SYNE1: variants seen among roughly 807,000 people sequenced by gnomAD.
SYNE1 encodes the protein nesprin-1.
Under a neutral mutation model 1,111.0 loss-of-function variants are expected in SYNE1, and 616 were observed. The observed-to-expected ratio is 0.55, with a 90% CI of 0.52 to 0.59. SYNE1 has a LOEUF of 0.59. SYNE1 is among the 20% of genes least tolerant of loss of function. The pLI, the probability that SYNE1 is intolerant of heterozygous loss-of-function variation, is 0.00. For synonymous variants in SYNE1, 3,855 were observed against 3,825.8 expected (o/e 1.01, Z -0.28); for missense variants, 10,006 against 10,417.0 (o/e 0.96, Z 1.72).
At chr6:152,310,081 G>A (rs2095501063) in intron 89 of SYNE1, 64 bp from the exon 90 acceptor site, 1 of 1,526,586 alleles carries the variant, frequency 6.6e-7, no homozygotes. Context: ...TAAGCAAAAG[G>A]CACTAAATTA....
rs768117691 is a variant in SYNE1, at chr6:152,502,523, G to T, written c.888+110C>A. 8.4e-5 allele frequency: 69 copies of T among 820,054 alleles called. 2 individuals carry two copies. The Middle Eastern group carries it at 1.5e-3, about 18-fold the overall frequency. 50.8% of individuals were successfully genotyped at this position (820,054 alleles called of 1,614,324 possible). On this transcript the variant is annotated intron_variant, in intron 10 of 145. Transcript: ENST00000367255. ...GGTGATAGCTTTTTAAAATCAGTTG[G>T]TCTCATATTAAAATGCATTCAAATT...
chr6:152,502,573 A>C, intron 10 of SYNE1, 60 bp downstream of exon 10: 9 of 1,332,134 alleles, frequency 6.8e-6, no homozygotes, highest in Non-Finnish European at 8.6e-6. Flanking sequence ...CAGTATACTC[A>C]AAAAGCTGAG....
In SYNE1 at chr6:152,363,034, C is replaced by CCT. The variant is rs1353622018; in HGVS notation, c.10146-712_10146-711insAG. On this transcript the variant is annotated intron_variant, in intron 63 of 145. Coordinates refer to ENST00000367255, the MANE Select transcript of SYNE1 (RefSeq NM_182961.4). Reference sequence around the variant, plus strand: ...TAGCTGGGACTACATGCCCCCGCCACCATGCCCGGCTAATTTTTTTGTACT... The same window carrying CCT: ...TAGCTGGGACTACATGCCCCCGCCACCTCATGCCCGGCTAATTTTTTTGTACT... 5.3e-5 allele frequency among the ~76,000 whole-genome samples: 8 copies of CCT among 151,332 alleles called. 1 individual carries two copies. The highest frequency in any genetic ancestry group is 1.5e-4 in the African/African-American group (6 of 41,258).
chr6:152,589,930 CT>C (rs35508645), intron 3 of SYNE1, among the ~76,000 whole-genome samples: 79,462 of 133,996 alleles, frequency 0.59, 23,457 homozygotes, highest in African/African-American at 0.65. Flanking sequence ...CTAAACATTT[CT>C]TTTTTTTTTT....
chr6:152,596,008 G>A (rs1031431912), intron 3 of SYNE1, among the ~76,000 whole-genome samples: 18 of 149,848 alleles, frequency 1.2e-4, no homozygotes, highest in Middle Eastern at 3.4e-3. Flanking sequence ...GGAGAACTGA[G>A]GGCTCGAACC....
intron 105 of SYNE1, among the ~76,000 whole-genome samples, chr6:152,244,905 G>A (rs950420713): frequency 5.9e-5 from 9 of 152,144 alleles, no homozygotes; most frequent in Non-Finnish European, 1.3e-4. Context: ...TCAGGGTAGA[G>A]GGCTGGGAGA....
intron 69 of SYNE1, 62 bp downstream of exon 69, chr6:152,353,201 G>A (rs2096772737): frequency 6.3e-7 from 1 of 1,588,872 alleles, no homozygotes; most frequent in Non-Finnish European, 8.6e-7. Context: ...TATCTATGCA[G>A]GAGAATGGGG....
In SYNE1 at chr6:152,411,731, C is replaced by CACAACA. The variant is rs60807760; in HGVS notation, c.6230+1620_6230+1621insTGTTGT. 8.7e-5 allele frequency among the ~76,000 whole-genome samples: 13 copies of CACAACA among 149,586 alleles called. 2 individuals are homozygous for CACAACA. Among genetic ancestry groups the CACAACA allele is most frequent in the African/African-American group, 3.2e-4 (13 of 40,108 alleles). ...AAGTCACACACACACACACACACCC[C>CACAACA]CACACACACACACACAGAGATGGCT... On this transcript the variant is annotated intron_variant, in intron 42 of 145. Transcript: ENST00000367255.
chr6:152,586,349 G>A (rs2099538864), intron 3 of SYNE1, among the ~76,000 whole-genome samples: 1 of 152,004 alleles, frequency 6.6e-6, no homozygotes, highest in Non-Finnish European at 1.5e-5. Context: ...TTTAGTCCAA[G>A]TCCTCTTCTA....
intron 11 of SYNE1, among the ~76,000 whole-genome samples, chr6:152,496,349 T>C (rs1373407889): frequency 4.6e-5 from 7 of 152,196 alleles, no homozygotes; most frequent in Non-Finnish European, 8.8e-5. Context: ...AACTCAAGGA[T>C]AGAGTCCAAA....
intron 105 of SYNE1, 54 bp downstream of exon 105, chr6:152,249,107 A>G (rs2153591037): frequency 1.7e-6 from 2 of 1,150,518 alleles, no homozygotes; most frequent in Non-Finnish European, 2.6e-6. Flanking sequence ...ATTTCATAGT[A>G]AGTCATATCT....
intron 121 of SYNE1, among the ~76,000 whole-genome samples, chr6:152,217,238 C>CA (rs35418741): frequency 0.052 from 7,726 of 147,238 alleles, 224 homozygotes; most frequent in East Asian, 0.11. Context: ...ACTAAAAATA[C>CA]AAAAAAAATT....
chr6:152,337,781 T>A (rs1051601862), intron 75 of SYNE1, among the ~76,000 whole-genome samples: 3 of 152,224 alleles, frequency 2.0e-5, no homozygotes, highest in Admixed American at 2.0e-4. Flanking sequence ...ATGTTTTGGA[T>A]ATGTCTTTGA....
chr6:152,469,371 A>C (rs964603100), intron 16 of SYNE1, among the ~76,000 whole-genome samples: 3 of 152,032 alleles, frequency 2.0e-5, no homozygotes, highest in African/African-American at 7.2e-5. Flanking sequence ...GGAAAGACTA[A>C]GCCTTCTAGA....
rs2084022554 is a variant in SYNE1 at position 152,236,311 on chromosome 6, A to G, written c.20200-8T>C. The G allele has an allele frequency of 6.3e-7, 1 of 1,597,446 alleles. No homozygotes were observed. The highest frequency in any genetic ancestry group is 1.7e-5 in the Admixed American group (1 of 59,834). ...AAGGCTAGATTTTAAATGCTAAAAT[A>G]TTGAAATTATTGAGTTAAAAGTTTG... On this transcript the variant is annotated splice_polypyrimidine_tract_variant and splice_region_variant and intron_variant, in intron 109 of 145. Coordinates refer to ENST00000367255, the MANE Select transcript of SYNE1 (RefSeq NM_182961.4).
At position 152,427,737 on chromosome 6, in the gene SYNE1, A is replaced by C; in HGVS notation, c.5056T>G (p.Ser1686Ala). 6.2e-7 allele frequency: 1 copy of C among 1,614,164 alleles called. No homozygotes were observed. The highest frequency in any genetic ancestry group is 8.5e-7 in the Non-Finnish European group (1 of 1,180,036). ...AKASSPEMDI[S>A]ADRVKVEGEL... ...CCTTCCACTTTGACTCTGTCTGCAG[A>C]AATGTCCATTTCTGGGGAACTGGCT... The change falls in exon 38 of 146, where the codon TCT (serine) becomes GCT (alanine). Residue 1686 changes from serine to alanine, a missense_variant. Physicochemically the swap from Ser to Ala is moderately conservative, Grantham distance 99. Transcript: ENST00000367255.
At chr6:152,176,920 T>C (rs1049449489) in intron 129 of SYNE1, among the ~76,000 whole-genome samples, 1 of 152,122 alleles carries the variant, frequency 6.6e-6, no homozygotes, top group African/African-American at 2.4e-5. Context: ...CCTGATGTTA[T>C]ACTTAGAATA....
At chr6:152,314,350 T>C (rs2095643627) in intron 87 of SYNE1, among the ~76,000 whole-genome samples, 1 of 152,224 alleles carries the variant, frequency 6.6e-6, no homozygotes, top group Non-Finnish European at 1.5e-5. Flanking sequence ...CTGCTAGGAT[T>C]TCAGCATACA....
chr6:152,583,369 T>G (rs897671409), intron 3 of SYNE1, among the ~76,000 whole-genome samples: 2 of 152,128 alleles, frequency 1.3e-5, no homozygotes, highest in Non-Finnish European at 2.9e-5. Context: ...TGCAGTGACA[T>G]CTCTATCATT....
Sources: gnomAD v4.1 joint callset for allele counts (sites outside exome capture counted in the v4.1 genomes callset) on GRCh38, gnomAD v4.1.1 for gene constraint, MANE v1.5 for transcripts, NCBI Gene and HGNC (gene_info 2026-07-23, HGNC 2026-07-21) for gene names.